The following CEP97 variants were observed in gnomAD, a reference collection of about 807,000 sequenced individuals.
The protein encoded by CEP97 is centrosomal protein of 97 kDa.
In CEP97, 43 loss-of-function variants were observed where a neutral mutation model predicts 73.1. The observed-to-expected ratio is 0.59, with a 90% CI of 0.46 to 0.76. The LOEUF (loss-of-function observed/expected upper bound fraction) is 0.76. Among genes scored for constraint, CEP97 ranks in the 30% least tolerant of loss-of-function variants. The pLI, the probability that CEP97 is intolerant of heterozygous loss-of-function variation, is 0.00. For synonymous variants in CEP97, 337 were observed against 370.0 expected (o/e 0.91, Z 1.02); for missense variants, 939 against 1,014.0 (o/e 0.93, Z 1.00).
At chr3:101,755,728 A>G (rs1560018835) in intron 7 of CEP97, 134 bp downstream of exon 7, 1 of 814,310 alleles carries the variant, frequency 1.2e-6, no homozygotes, top group East Asian at 2.6e-5. Context: ...TGTCACTGCA[A>G]CAGTTCCTGC....
At chr3:101,743,588 G>A (rs532456225) in intron 6 of CEP97, among the ~76,000 whole-genome samples, 2 of 152,156 alleles carry the variant, frequency 1.3e-5, no homozygotes, top group Admixed American at 6.5e-5. Context: ...TTCAGATAAG[G>A]TTTTGCTGTG....
chr3:101,765,663 T>G lies in CEP97; in HGVS notation c.*112T>G. 1.3e-6 allele frequency: 1 copy of G among 771,420 alleles called. No individual in the cohort carries two copies. The highest frequency in any genetic ancestry group is 2.1e-6 in the Non-Finnish European group (1 of 481,450). The allele number at this position is 771,420 out of a possible 1,614,324, so 47.8% of individuals were successfully genotyped here. ...CTACCCCTAATTTTGTTACTACTTATATAGAATTTGTATTCATGTCTTATA... is the reference window on the plus strand; with the variant it reads ...CTACCCCTAATTTTGTTACTACTTAGATAGAATTTGTATTCATGTCTTATA... On this transcript the variant is annotated 3_prime_UTR_variant, in exon 11 of 11. Coordinates refer to ENST00000341893, the MANE Select transcript of CEP97 (RefSeq NM_024548.4).
In CEP97 at chr3:101,757,216, C is replaced by G; in HGVS notation, c.1027+20C>G. 6.3e-7 allele frequency: 1 copy of G among 1,590,324 alleles called. No homozygotes were observed. The highest frequency in any genetic ancestry group is 8.5e-7 in the Non-Finnish European group (1 of 1,172,126). ...AAAGTGGTAAGAAATGAATTTATCT[C>G]TGATCCCTTTTCTCCAAGTTGTTTA... On this transcript the variant is annotated intron_variant, in intron 8 of 10. Coordinates refer to ENST00000341893, the MANE Select transcript of CEP97 (RefSeq NM_024548.4).
chr3:101,765,297 C>G lies in CEP97; in HGVS notation c.2344C>G (p.Leu782Val). ...LEQYLTSVQQ[L>V]EDADERTNFD... ...ACAGTATTTAACTTCAGTTCAACAG[C>G]TGGAAGATGCTGATGAGAGGACCAA... The change falls in exon 11 of 11, where the codon CTG becomes GTG. Residue 782 changes from leucine (L) to valine (V), a missense_variant. Physicochemically the swap from Leu to Val is conservative, Grantham distance 32. Transcript: ENST00000341893. The G allele has an allele frequency of 1.9e-6, 3 of 1,614,150 alleles. No individual in the cohort carries two copies. The highest frequency in any genetic ancestry group is 2.5e-6 in the Non-Finnish European group (3 of 1,180,028).
chr3:101,761,255 C>T (rs1357532886), intron 9 of CEP97, among the ~76,000 whole-genome samples: 5 of 152,120 alleles, frequency 3.3e-5, no homozygotes, highest in African/African-American at 9.7e-5. Flanking sequence ...CAGTGGGGTA[C>T]AACAGCAAGT....
chr3:101,763,746 A>G (rs560902746), intron 10 of CEP97, among the ~76,000 whole-genome samples: 10 of 152,324 alleles, frequency 6.6e-5, no homozygotes, highest in African/African-American at 1.9e-4. Flanking sequence ...TGCATATACT[A>G]TATTGTTAGC....
At chr3:101,738,937 A>T (rs561317186) in intron 6 of CEP97, among the ~76,000 whole-genome samples, 4 of 152,254 alleles carry the variant, frequency 2.6e-5, no homozygotes, top group African/African-American at 9.6e-5. Flanking sequence ...TGCTAACCAG[A>T]CTAATAAGAA....
At chr3:101,727,196 A>G (rs1312671336) in intron 2 of CEP97, among the ~76,000 whole-genome samples, 187 bp from the exon 3 acceptor site, 1 of 152,196 alleles carries the variant, frequency 6.6e-6, no homozygotes, top group Non-Finnish European at 1.5e-5. Flanking sequence ...TGTATTTTCT[A>G]TTGCCCAGGA....
chr3:101,737,964 A>T (rs1468381821), intron 6 of CEP97, among the ~76,000 whole-genome samples: 3 of 150,272 alleles, frequency 2.0e-5, no homozygotes, highest in East Asian at 2.0e-4. Context: ...GTAAAGACAC[A>T]CATAGATTCA....
Position 101,768,984 on chromosome 3 carries a change from A to G in CEP97, c.*3433A>G, listed in dbSNP as rs1033760899. 5.3e-5 allele frequency: 8 copies of G among 152,194 alleles called. No homozygotes were observed. The highest frequency in any genetic ancestry group is 1.9e-4 in the African/African-American group (8 of 41,428). 9.4% of individuals were successfully genotyped at this position (152,194 alleles called of 1,614,324 possible). On this transcript the variant is annotated 3_prime_UTR_variant, in exon 11 of 11. Transcript: ENST00000341893. ...GTCATATAATCGTTTGTATATATGT[A>G]AATAACTTTATTCTGGAATAATGTG... is the stretch of plus-strand genomic sequence containing the variant.
chr3:101,746,687 TTAAAC>T (rs1372995321), intron 6 of CEP97, among the ~76,000 whole-genome samples: 9 of 152,196 alleles, frequency 5.9e-5, no homozygotes, highest in African/African-American at 2.2e-4. Flanking sequence ...TGGGATCTCA[TTAAAC>T]TAAAGACCTT....
chr3:101,732,003 A>G (rs767734270), intron 5 of CEP97, 50 bp downstream of exon 5: 2 of 1,065,662 alleles, frequency 1.9e-6, no homozygotes, highest in Admixed American at 3.5e-5. Context: ...AAATCCTAGG[A>G]AAGACACAGG....
At chr3:101,751,667 A>G (rs1475724424) in intron 6 of CEP97, among the ~76,000 whole-genome samples, 1 of 152,180 alleles carries the variant, frequency 6.6e-6, no homozygotes, top group African/African-American at 2.4e-5. Flanking sequence ...CCATTATGTA[A>G]TGACCTTCTT....
At chr3:101,756,952 C>A in intron 7 of CEP97, 111 bp from the exon 8 acceptor site, 1 of 960,356 alleles carries the variant, frequency 1.0e-6, no homozygotes, top group Non-Finnish European at 1.5e-6. Context: ...TTAAAAGTAC[C>A]TACTTTGAGA....
chr3:101,751,584 A>G (rs1938822503), intron 6 of CEP97, among the ~76,000 whole-genome samples: 3 of 152,208 alleles, frequency 2.0e-5, no homozygotes, highest in Admixed American at 2.0e-4. Context: ...TTGCTTTATG[A>G]ATCTGGGTGC....
At chr3:101,749,354 A>G (rs1337213517) in intron 6 of CEP97, among the ~76,000 whole-genome samples, 1 of 147,154 alleles carries the variant, frequency 6.8e-6, no homozygotes, top group East Asian at 2.0e-4. Context: ...ATAGTATTCC[A>G]TGGTGTATAT....
intron 6 of CEP97, among the ~76,000 whole-genome samples, chr3:101,749,583 A>G (rs1938737468): frequency 7.7e-6 from 1 of 130,162 alleles, no homozygotes; most frequent in Non-Finnish European, 1.7e-5. Flanking sequence ...GACTTCCACA[A>G]TGGTTGAACT....
intron 10 of CEP97, among the ~76,000 whole-genome samples, 189 bp from the exon 11 acceptor site, chr3:101,764,658 G>A (rs937731450): frequency 6.6e-6 from 1 of 151,508 alleles, no homozygotes; most frequent in Non-Finnish European, 1.5e-5. Context: ...GGCACCTGGA[G>A]TCCTAGCTGG....
At chr3:101,734,905 A>C (rs906773257) in intron 6 of CEP97, among the ~76,000 whole-genome samples, 2 of 152,186 alleles carry the variant, frequency 1.3e-5, no homozygotes, top group Non-Finnish European at 1.5e-5. Flanking sequence ...CTTACGATAG[A>C]CAGGGGAAGG....
Sources: allele counts gnomAD v4.1 joint callset (sites outside exome capture counted in the v4.1 genomes callset), GRCh38; gene constraint gnomAD v4.1.1; transcripts MANE v1.5; gene names NCBI Gene and HGNC (gene_info 2026-07-23, HGNC 2026-07-21).